The following PALLD variants were observed in gnomAD, a reference collection of about 807,000 sequenced individuals.
PALLD encodes palladin, cytoskeletal associated protein, also known as palladin.
A neutral mutation model predicts 123.5 loss-of-function variants in PALLD; 61 were observed. That is an observed-to-expected ratio of 0.49 (90% confidence interval 0.40 to 0.61). The LOEUF (loss-of-function observed/expected upper bound fraction) is 0.61, where lower values mean the gene tolerates loss of function less well. Ranked by LOEUF, PALLD falls within the 20% of genes least tolerant of loss-of-function variation. The pLI is 0.00. For synonymous variants in PALLD, 465 were observed against 496.4 expected (o/e 0.94, Z 0.84); for missense variants, 1,273 against 1,377.0 (o/e 0.92, Z 1.20).
At chr4:168,503,385 C>T (rs1365510891) in intron 1 of PALLD, among the ~76,000 whole-genome samples, 1 of 152,188 alleles carries the variant, frequency 6.6e-6, no homozygotes, top group African/African-American at 2.4e-5. Flanking sequence ...TGCAGTGGCT[C>T]ATGCCTGTAA....
chr4:168,609,345 C>CA (rs5863949), intron 2 of PALLD, among the ~76,000 whole-genome samples: 6,534 of 71,064 alleles, frequency 0.092, 387 homozygotes, highest in African/African-American at 0.16. Flanking sequence ...AAGCTGTTAC[C>CA]AAAAAAAAAA....
At chr4:168,623,573 C>A (rs1447844550) in intron 2 of PALLD, among the ~76,000 whole-genome samples, 1 of 152,110 alleles carries the variant, frequency 6.6e-6, no homozygotes, top group Non-Finnish European at 1.5e-5. Context: ...AGGATGGAGG[C>A]GGCGAACTGC....
rs529197596 is a variant in PALLD, at chr4:168,853,423, G to A, written c.1965-37499G>A. ...AAAAGACCCTCAAGGGCCTGGGTGC[G>A]TGGAATTATTAGAGACCAGATAAAA... On this transcript the variant is annotated intron_variant, in intron 10 of 21. Coordinates refer to ENST00000505667, the MANE Select transcript of PALLD (RefSeq NM_001166108.2). Among the ~76,000 whole-genome samples the A allele has an allele frequency of 3.9e-5, 6 of 152,122 alleles. No homozygotes were observed. In the South Asian group the frequency reaches 6.2e-4, roughly 16 times the overall value.
chr4:168,595,194 C>T (rs1561285685), intron 2 of PALLD, among the ~76,000 whole-genome samples: 1 of 152,242 alleles, frequency 6.6e-6, no homozygotes, highest in East Asian at 1.9e-4. Flanking sequence ...TATCCGCTGT[C>T]TTTTATTGAA....
At chr4:168,531,542 A>G (rs1263961417) in intron 2 of PALLD, among the ~76,000 whole-genome samples, 7 of 152,190 alleles carry the variant, frequency 4.6e-5, no homozygotes, top group Non-Finnish European at 1.0e-4. Flanking sequence ...GATACCATTC[A>G]CGTATCTTCT....
At chr4:168,661,755 A>T (rs1459577898) in intron 2 of PALLD, among the ~76,000 whole-genome samples, 1 of 152,248 alleles carries the variant, frequency 6.6e-6, no homozygotes, top group Non-Finnish European at 1.5e-5. Flanking sequence ...ACATGTTTTG[A>T]TGAAAGATGA....
At chr4:168,585,607 C>T (rs1427338575) in intron 2 of PALLD, among the ~76,000 whole-genome samples, 1 of 152,118 alleles carries the variant, frequency 6.6e-6, no homozygotes, top group African/African-American at 2.4e-5. Flanking sequence ...ATCCAGTCCC[C>T]AGCGCAGGCA....
intron 10 of PALLD, among the ~76,000 whole-genome samples, chr4:168,850,957 CCA>C (rs1747685526): frequency 1.3e-5 from 2 of 152,280 alleles, no homozygotes; most frequent in Non-Finnish European, 2.9e-5. Flanking sequence ...ACCTGGCATT[CCA>C]TGGGCAGGCA....
intron 2 of PALLD, among the ~76,000 whole-genome samples, chr4:168,550,371 TGGA>T (rs1193400319): frequency 6.6e-6 from 1 of 152,200 alleles, no homozygotes. Flanking sequence ...ATTCAAGTCA[TGGA>T]GCTCCCCCAG....
intron 2 of PALLD, among the ~76,000 whole-genome samples, chr4:168,574,245 A>C (rs1033655759): frequency 3.9e-5 from 6 of 152,110 alleles, no homozygotes; most frequent in Non-Finnish European, 7.4e-5. Context: ...CAATGGGATC[A>C]ATCACTGATT....
chr4:168,755,043 T>C (rs950055765), intron 10 of PALLD, among the ~76,000 whole-genome samples: 4 of 152,030 alleles, frequency 2.6e-5, no homozygotes, highest in South Asian at 4.1e-4. Flanking sequence ...CCATCCTGGC[T>C]AACACGGTGA....
intron 2 of PALLD, among the ~76,000 whole-genome samples, chr4:168,539,860 C>T (rs1765446071): frequency 6.6e-6 from 1 of 152,028 alleles, no homozygotes; most frequent in Non-Finnish European, 1.5e-5. Flanking sequence ...AGGTTTGTTA[C>T]ATGGGTATAT....
chr4:168,604,416 A>G (rs894492017), intron 2 of PALLD, among the ~76,000 whole-genome samples: 1 of 152,224 alleles, frequency 6.6e-6, no homozygotes, highest in African/African-American at 2.4e-5. Flanking sequence ...AATCTCATAC[A>G]TGGAACACGT....
At chr4:168,585,117 A>C (rs1351067295) in intron 2 of PALLD, among the ~76,000 whole-genome samples, 7 of 152,232 alleles carry the variant, frequency 4.6e-5, no homozygotes, top group Admixed American at 4.6e-4. Flanking sequence ...AAATGTATTG[A>C]ATGGTCTCTA....
intron 2 of PALLD, chr4:168,530,526 A>G (rs140437126): frequency 6.6e-6 from 1 of 152,330 alleles, no homozygotes; most frequent in African/African-American, 2.4e-5. Flanking sequence ...ATGGTTTGTG[A>G]AAGTTCAAAG....
chr4:168,601,867 T>C (rs959561588), intron 2 of PALLD, among the ~76,000 whole-genome samples: 1 of 152,306 alleles, frequency 6.6e-6, no homozygotes, highest in Middle Eastern at 3.4e-3. Flanking sequence ...TCATCTCTAC[T>C]TTTCTATCCC....
intron 2 of PALLD, among the ~76,000 whole-genome samples, chr4:168,593,318 G>T (rs1347076996): frequency 6.6e-6 from 1 of 151,678 alleles, no homozygotes; most frequent in East Asian, 1.9e-4. Context: ...CTCTCTGCTG[G>T]ATCTGTTCTG....
intron 15 of PALLD, among the ~76,000 whole-genome samples, chr4:168,910,781 T>G: frequency 6.6e-6 from 1 of 152,158 alleles, no homozygotes; most frequent in East Asian, 1.9e-4. Context: ...TTAGACTGAT[T>G]CCAGAGCTAC....
rs1382397422 is a variant in PALLD, at chr4:168,894,644, T to C, written c.2166T>C (p.Asn722=). The stretch of plus-strand genomic sequence containing the variant: ...GTGCTGACAGTGCAACTGTCTTTAA[T>C]ATTCAGGAGCCAGAAGAGGAAACAG... ...LLGADSATVF[N]IQEPEEETAN... Residue 722 remains asparagine, a synonymous_variant, in exon 12 of 22, where the codon AAT becomes AAC. Transcript: ENST00000505667. The C allele has an allele frequency of 6.2e-7, 1 of 1,613,838 alleles. No homozygotes were observed. Among genetic ancestry groups the C allele is most frequent in the Non-Finnish European group, 8.5e-7 (1 of 1,179,814 alleles).
Sources: allele counts gnomAD v4.1 joint callset (sites outside exome capture counted in the v4.1 genomes callset), GRCh38; gene constraint gnomAD v4.1.1; transcripts MANE v1.5; gene names NCBI Gene and HGNC (gene_info 2026-07-23, HGNC 2026-07-21).